TLCD4: variants seen among roughly 807,000 people sequenced by gnomAD.
TLCD4 encodes the protein TLC domain containing 4.
A neutral mutation model predicts 24.2 loss-of-function variants in TLCD4; 7 were observed. The observed-to-expected ratio is 0.29, with a 90% confidence interval of 0.16 to 0.54. The LOEUF is 0.54. Ranked by LOEUF, TLCD4 falls within the 20% of genes least tolerant of loss-of-function variation. The probability of loss-of-function intolerance (pLI) is 0.95; values close to 1 mark genes in which losing one functional copy is unlikely to be tolerated. For missense variants in TLCD4, 259 were observed against 313.9 expected, an observed-to-expected ratio of 0.82 and a Z score of 1.32; for synonymous variants, 103 against 106.4, an observed-to-expected ratio of 0.97 and a Z score of 0.20.
chr1:95,116,156 C>G (rs1045916262), upstream of TLCD4, among the ~76,000 whole-genome samples: 10 of 152,102 alleles, frequency 6.6e-5, no homozygotes, highest in African/African-American at 2.4e-4. Context: ...CCTCCCTGTT[C>G]TGTGGTATAG....
intron 1 of TLCD4, among the ~76,000 whole-genome samples, chr1:95,130,457 G>C (rs1244245826): frequency 6.6e-6 from 1 of 152,056 alleles, no homozygotes; most frequent in Admixed American, 6.6e-5. Flanking sequence ...CGGCCCGACA[G>C]TTATTCTTTA....
At chr1:95,118,821 T>TGTATTCCC (rs1275634189) in intron 1 of TLCD4, among the ~76,000 whole-genome samples, 2 of 152,200 alleles carry the variant, frequency 1.3e-5, no homozygotes, top group Non-Finnish European at 2.9e-5. Context: ...ATTAGAAAAG[T>TGTATTCCC]GTATTCCCGC....
intron 6 of TLCD4, among the ~76,000 whole-genome samples, chr1:95,181,197 C>G (rs1277411432): frequency 8.2e-6 from 1 of 122,528 alleles, no homozygotes; most frequent in African/African-American, 3.8e-5. Flanking sequence ...ATTGCCAAAA[C>G]AAACCAAAAA....
At chr1:95,151,465 GA>G in intron 5 of TLCD4, 46 bp downstream of exon 5, 1 of 1,588,038 alleles carries the variant, frequency 6.3e-7, no homozygotes, top group Non-Finnish European at 8.6e-7. Context: ...ACAAGATTGG[GA>G]ATAGTGATGT....
upstream of TLCD4, among the ~76,000 whole-genome samples, chr1:95,116,037 G>A (rs1402230453): frequency 6.6e-6 from 1 of 152,188 alleles, no homozygotes; most frequent in Non-Finnish European, 1.5e-5. Flanking sequence ...GGTTCAAAGA[G>A]CACTGGAGCC....
chr1:95,115,089 T>TATATATATATAC (rs71846152), upstream of TLCD4, among the ~76,000 whole-genome samples: 136 of 36,828 alleles, frequency 3.7e-3, 2 homozygotes, highest in Admixed American at 0.023. Flanking sequence ...ATATACACAT[T>TATATATATATAC]ATATATATAT....
chr1:95,113,095 T>C (rs1465393486), upstream of TLCD4, among the ~76,000 whole-genome samples: 1 of 150,102 alleles, frequency 6.7e-6, no homozygotes, highest in African/African-American at 2.5e-5. Context: ...CAGGCTGGAG[T>C]GCAGTGGCGC....
upstream of TLCD4, among the ~76,000 whole-genome samples, chr1:95,117,089 G>T (rs1360432521): frequency 2.0e-5 from 3 of 152,184 alleles, no homozygotes; most frequent in African/African-American, 7.2e-5. Flanking sequence ...CCGCTGCGGG[G>T]GCGGGCTCAC....
chr1:95,162,063 T>A (rs926950252), intron 5 of TLCD4, among the ~76,000 whole-genome samples: 1 of 152,168 alleles, frequency 6.6e-6, no homozygotes, highest in African/African-American at 2.4e-5. Flanking sequence ...CCTGGTAACT[T>A]TCTGTCTCGT....
chr1:95,189,277 T>G lies in TLCD4; in HGVS notation c.474-2273T>G, dbSNP rs576076468. Among the ~76,000 whole-genome samples the G allele has an allele frequency of 2.6e-5, 4 of 152,332 alleles. No individual in the cohort carries two copies. In the East Asian group the frequency reaches 7.7e-4, roughly 29 times the overall value. ...GCCTTTGTCTTATAGTCTCCATCTT[T>G]GAAGTCACTTAGGTCAGCACCTCTT... On this transcript the variant is annotated intron_variant, in intron 6 of 6. Transcript: ENST00000370203.
chr1:95,137,500 C>CT (rs1677077014), intron 1 of TLCD4, among the ~76,000 whole-genome samples: 1 of 152,040 alleles, frequency 6.6e-6, no homozygotes, highest in African/African-American at 2.4e-5. Flanking sequence ...GATATATTCT[C>CT]TAAGGAATCC....
At chr1:95,122,358 A>AAAACAAAAC (rs1160318131) in intron 1 of TLCD4, among the ~76,000 whole-genome samples, 1 of 152,154 alleles carries the variant, frequency 6.6e-6, no homozygotes, top group Non-Finnish European at 1.5e-5. Flanking sequence ...GACTCTGTCT[A>AAAACAAAAC]AAACAAAACA....
intron 6 of TLCD4, among the ~76,000 whole-genome samples, chr1:95,187,880 C>G (rs1179053611): frequency 6.6e-6 from 1 of 152,016 alleles, no homozygotes; most frequent in African/African-American, 2.4e-5. Flanking sequence ...AGGCGCCTCT[C>G]CTCTTCTTGC....
chr1:95,177,169 A>C (rs1678462119), intron 6 of TLCD4, among the ~76,000 whole-genome samples: 1 of 152,108 alleles, frequency 6.6e-6, no homozygotes, highest in Non-Finnish European at 1.5e-5. Flanking sequence ...CTTTTTTAAA[A>C]TTATTCATTA....
intron 6 of TLCD4, among the ~76,000 whole-genome samples, chr1:95,188,312 C>T (rs543677733): frequency 1.1e-4 from 16 of 142,594 alleles, no homozygotes; most frequent in Admixed American, 4.6e-4. Flanking sequence ...GGCGTGATCC[C>T]GGGAGGCGGA....
intron 6 of TLCD4, among the ~76,000 whole-genome samples, chr1:95,181,417 A>G (rs1678636870): frequency 6.6e-6 from 1 of 152,104 alleles, no homozygotes; most frequent in African/African-American, 2.4e-5. Flanking sequence ...AAATACTAAT[A>G]ATTGTGGATA....
chr1:95,105,621 C>T, the TLCD4 span, among the ~76,000 whole-genome samples: 4 of 152,052 alleles, frequency 2.6e-5, no homozygotes, highest in Admixed American at 6.6e-5. Flanking sequence ...CATGGCCGGG[C>T]GCGGTGGCTC....
intron 1 of TLCD4, among the ~76,000 whole-genome samples, chr1:95,135,390 G>A (rs1571732319): frequency 7.1e-6 from 1 of 140,450 alleles, no homozygotes; most frequent in East Asian, 2.1e-4. Context: ...TCATTTTTTT[G>A]TACACTTTTT....
At chr1:95,131,793 T>C (rs1676898122) in intron 1 of TLCD4, among the ~76,000 whole-genome samples, 1 of 152,190 alleles carries the variant, frequency 6.6e-6, no homozygotes. Flanking sequence ...TGCAATAGGT[T>C]GACTATGGTT....
Sources: gnomAD v4.1 joint callset for allele counts (sites outside exome capture counted in the v4.1 genomes callset) on GRCh38, gnomAD v4.1.1 for gene constraint, MANE v1.5 for transcripts, NCBI Gene and HGNC (gene_info 2026-07-23, HGNC 2026-07-21) for gene names.